CTNNA2: variants seen among roughly 807,000 people sequenced by gnomAD.
The protein encoded by CTNNA2 is catenin alpha-2.
In CTNNA2, 42 loss-of-function variants were observed where a neutral mutation model predicts 101.0. That is an observed-to-expected ratio of 0.42 (90% CI 0.32 to 0.54). The LOEUF (loss-of-function observed/expected upper bound fraction) is 0.54, where lower values mean the gene tolerates loss of function less well. Among genes scored for constraint, CTNNA2 ranks in the 20% least tolerant of loss-of-function variants. The probability of loss-of-function intolerance (pLI) is 0.14; values close to 1 mark genes in which losing one functional copy is unlikely to be tolerated. For missense variants in CTNNA2, 871 were observed against 1,223.1 expected, an observed-to-expected ratio of 0.71 and a Z score of 4.29; for synonymous variants, 450 against 456.4, an observed-to-expected ratio of 0.99 and a Z score of 0.18.
intron 7 of CTNNA2, among the ~76,000 whole-genome samples, chr2:79,915,848 A>G (rs891701556): frequency 1.3e-5 from 2 of 152,222 alleles, no homozygotes; most frequent in African/African-American, 4.8e-5. Context: ...GAGGCCCAGA[A>G]CAACTAGTTG....
At position 79,688,498 on chromosome 2, in the gene CTNNA2, A is replaced by G. The variant is rs992725334; in HGVS notation, c.102+36840A>G. 2.6e-5 allele frequency among the ~76,000 whole-genome samples: 4 copies of G among 152,144 alleles called. No individual in the cohort carries two copies. In the South Asian group the frequency reaches 8.3e-4, roughly 32 times the overall value. On this transcript the variant is annotated intron_variant, in intron 2 of 18. Transcript: ENST00000402739. ...TCTATATGTGTATATGTAAATCACTATATGTATATATGTATGTAGTGATTT... is the reference window on the plus strand; with the variant it reads ...TCTATATGTGTATATGTAAATCACTGTATGTATATATGTATGTAGTGATTT...
rs569534759 is a variant in CTNNA2 at position 80,266,133 on chromosome 2, G to T, written c.1057-127078G>T. ...CTGCCATGGGATTTGCCTAGATGAG[G>T]TTGCTTTCTAGGTCATAACTAATTT... is the stretch of plus-strand genomic sequence containing the variant. On this transcript the variant is annotated intron_variant, in intron 7 of 18. Transcript: ENST00000402739. 2.0e-5 allele frequency among the ~76,000 whole-genome samples: 3 copies of T among 152,328 alleles called. No homozygotes were observed. The East Asian group carries it at 5.8e-4, about 29-fold the overall frequency.
chr2:80,400,932 C>T (rs1678492550), intron 8 of CTNNA2, among the ~76,000 whole-genome samples: 1 of 152,156 alleles, frequency 6.6e-6, no homozygotes, highest in Non-Finnish European at 1.5e-5. Flanking sequence ...GTTTCCAGAT[C>T]CTTCTGCCTT....
intron 3 of CTNNA2, among the ~76,000 whole-genome samples, chr2:79,744,906 A>G (rs1671536982): frequency 6.6e-6 from 1 of 152,214 alleles, no homozygotes; most frequent in Non-Finnish European, 1.5e-5. Flanking sequence ...TATAGAGTCA[A>G]TGTAAAATCA....
At chr2:80,059,069 AAT>A (rs1697407505) in intron 7 of CTNNA2, among the ~76,000 whole-genome samples, 1 of 152,356 alleles carries the variant, frequency 6.6e-6, no homozygotes, top group African/African-American at 2.4e-5. Flanking sequence ...ACATTTTAAA[AAT>A]ATCTGCTGAG....
intron 2 of CTNNA2, among the ~76,000 whole-genome samples, chr2:79,198,606 C>T (rs1005808715): frequency 6.6e-6 from 1 of 152,154 alleles, no homozygotes; most frequent in African/African-American, 2.4e-5. Context: ...GAGATATTCC[C>T]ATCAAGTATA....
At chr2:80,626,778 A>C (rs1481319066) in intron 18 of CTNNA2, among the ~76,000 whole-genome samples, 1 of 152,064 alleles carries the variant, frequency 6.6e-6, no homozygotes, top group Non-Finnish European at 1.5e-5. Flanking sequence ...GGTTTGTTAC[A>C]TAGGTATACA....
At chr2:80,515,128 C>A (rs1573096472) in intron 9 of CTNNA2, among the ~76,000 whole-genome samples, 2 of 151,378 alleles carry the variant, frequency 1.3e-5, no homozygotes, top group Non-Finnish European at 2.9e-5. Flanking sequence ...ATGGTACCAA[C>A]AATTTCTAGG....
At chr2:79,977,222 G>GCGCACACACACACACACACA (rs142876512) in intron 7 of CTNNA2, among the ~76,000 whole-genome samples, 1 of 144,740 alleles carries the variant, frequency 6.9e-6, no homozygotes, top group Non-Finnish European at 1.5e-5. Context: ...GCATATGCAT[G>GCGCACACACACACACACACA]CACACACACA....
At chr2:79,954,366 C>T (rs1435941035) in intron 7 of CTNNA2, among the ~76,000 whole-genome samples, 5 of 152,104 alleles carry the variant, frequency 3.3e-5, no homozygotes, top group Non-Finnish European at 7.4e-5. Flanking sequence ...ACTTCATTGT[C>T]ATGATTAAAA....
chr2:79,306,426 T>C (rs1676250071), intron 2 of CTNNA2, among the ~76,000 whole-genome samples: 1 of 152,246 alleles, frequency 6.6e-6, no homozygotes, highest in African/African-American at 2.4e-5. Context: ...TCAAAATGTA[T>C]ACATATATCA....
At chr2:80,527,116 T>C (rs1242550871) in intron 9 of CTNNA2, among the ~76,000 whole-genome samples, 1 of 152,244 alleles carries the variant, frequency 6.6e-6, no homozygotes, top group African/African-American at 2.4e-5. Flanking sequence ...TTACCCAGAA[T>C]ATTCATGAAA....
chr2:80,149,965 C>A, intron 7 of CTNNA2, among the ~76,000 whole-genome samples: 1 of 152,160 alleles, frequency 6.6e-6, no homozygotes, highest in East Asian at 1.9e-4. Context: ...CACCCTAGGC[C>A]TGTTCATTAT....
At chr2:80,522,389 A>T (rs1689647354) in intron 9 of CTNNA2, among the ~76,000 whole-genome samples, 1 of 152,236 alleles carries the variant, frequency 6.6e-6, no homozygotes, top group Non-Finnish European at 1.5e-5. Flanking sequence ...CAGATACTGT[A>T]GAAAATAGAT....
At chr2:80,112,167 A>G (rs1701254557) in intron 7 of CTNNA2, among the ~76,000 whole-genome samples, 1 of 152,228 alleles carries the variant, frequency 6.6e-6, no homozygotes, top group African/African-American at 2.4e-5. Flanking sequence ...GTGGGGCCTC[A>G]TCTGGCTGGC....
rs1405143959 is a variant in CTNNA2, at chr2:79,469,420, A to G, written c.-134-35634A>G. On this transcript the variant is annotated intron_variant, in intron 4 of 21. Transcript: ENST00000466387. ...CCAACCAAAAAAGGTCCAGGACCAGACGGATTCACAGCCGAATTCTACCAG... is the reference window on the plus strand; with the variant it reads ...CCAACCAAAAAAGGTCCAGGACCAGGCGGATTCACAGCCGAATTCTACCAG... Among the ~76,000 whole-genome samples the G allele has an allele frequency of 7.2e-5, 11 of 152,320 alleles. No individual in the cohort carries two copies. The East Asian group carries it at 1.7e-3, about 24-fold the overall frequency.
intron 2 of CTNNA2, among the ~76,000 whole-genome samples, chr2:79,720,901 T>C (rs1316474575): frequency 6.6e-6 from 1 of 152,080 alleles, no homozygotes; most frequent in Non-Finnish European, 1.5e-5. Flanking sequence ...ATTTCCCACT[T>C]TGTTTTAACA....
At chr2:79,639,496 T>G (rs1680301236) in intron 1 of CTNNA2, among the ~76,000 whole-genome samples, 1 of 152,190 alleles carries the variant, frequency 6.6e-6, no homozygotes, top group Admixed American at 6.5e-5. Context: ...AAAATTTATT[T>G]ATATAAATTA....
chr2:80,307,703 C>G (rs1234387773), intron 7 of CTNNA2, among the ~76,000 whole-genome samples: 3 of 152,066 alleles, frequency 2.0e-5, no homozygotes, highest in African/African-American at 7.2e-5. Context: ...TTGAAAATAC[C>G]CTTGACATTT....
Sources: allele counts gnomAD v4.1 joint callset (sites outside exome capture counted in the v4.1 genomes callset), GRCh38; gene constraint gnomAD v4.1.1; transcripts MANE v1.5; gene names NCBI Gene and HGNC (gene_info 2026-07-23, HGNC 2026-07-21).